The following VRK2 variants were observed in gnomAD, a reference collection of about 807,000 sequenced individuals.
VRK2 encodes the protein VRK serine/threonine kinase 2.
A neutral mutation model predicts 57.6 loss-of-function variants in VRK2; 60 were observed. The ratio of observed to expected loss-of-function variants is 1.04; its 90% CI spans 0.85 to 1.29. VRK2 has a LOEUF of 1.29. Among genes scored for constraint, VRK2 ranks in the 50% most tolerant of loss-of-function variants. VRK2 has a pLI of 0.00. For synonymous variants in VRK2, 231 were observed against 199.2 expected, an observed-to-expected ratio of 1.16 and a Z score of -1.35; for missense variants, 705 against 588.1, an observed-to-expected ratio of 1.20 and a Z score of -2.06.
intron 2 of VRK2, among the ~76,000 whole-genome samples, chr2:58,050,184 A>C (rs540304362): frequency 2.0e-5 from 3 of 152,208 alleles, no homozygotes; most frequent in African/African-American, 7.2e-5. Context: ...AATTATTTTA[A>C]TAATATTTAA....
At chr2:58,036,856 C>G (rs1300742093) in intron 3 of VRK2, among the ~76,000 whole-genome samples, 1 of 151,986 alleles carries the variant, frequency 6.6e-6, no homozygotes, top group Non-Finnish European at 1.5e-5. Context: ...ATAGGGTAGC[C>G]ACTAGGTACA....
At chr2:57,952,705 G>C (rs1671463374) in intron 1 of VRK2, among the ~76,000 whole-genome samples, 1 of 151,944 alleles carries the variant, frequency 6.6e-6, no homozygotes, top group South Asian at 2.1e-4. Flanking sequence ...TAAGGAGATG[G>C]GGAGAGCAGG....
At chr2:58,039,828 G>T (rs903202558) in intron 3 of VRK2, among the ~76,000 whole-genome samples, 1 of 151,342 alleles carries the variant, frequency 6.6e-6, no homozygotes, top group Non-Finnish European at 1.5e-5. Flanking sequence ...ATTTTTTATG[G>T]GCAATTCCCC....
At chr2:58,040,471 GGAAA>G (rs1558554490) in intron 3 of VRK2, among the ~76,000 whole-genome samples, 1 of 152,186 alleles carries the variant, frequency 6.6e-6, no homozygotes, top group Non-Finnish European at 1.5e-5. Context: ...GAGACTTAGA[GGAAA>G]ACCTAAATAC....
In VRK2 at chr2:58,110,860, A is replaced by T. The variant is rs145566008; in HGVS notation, c.544-12241A>T. ...CCGACATTGGGGAGCTCCAGAGCAA[A>T]GCTTGCCTATTAGGAGAGACCCCAG... On this transcript the variant is annotated intron_variant, in intron 7 of 12. Coordinates refer to ENST00000340157, the MANE Select transcript of VRK2 (RefSeq NM_006296.7). Among the ~76,000 whole-genome samples, 28 of 152,288 alleles carry T rather than the reference A, an allele frequency of 1.8e-4. 1 individual carries two copies. The East Asian group carries it at 5.2e-3, about 28-fold the overall frequency.
At chr2:57,978,737 A>AT (rs534620090) in intron 1 of VRK2, among the ~76,000 whole-genome samples, 23 of 144,946 alleles carry the variant, frequency 1.6e-4, no homozygotes, top group Non-Finnish European at 3.0e-4. Flanking sequence ...GGTTTGTTTC[A>AT]TAGGTATACA....
chr2:58,025,456 C>T (rs1558546457), intron 1 of VRK2, among the ~76,000 whole-genome samples: 1 of 152,034 alleles, frequency 6.6e-6, no homozygotes, highest in Non-Finnish European at 1.5e-5. Flanking sequence ...AACAGCCAGA[C>T]AAAGGAAGAG....
chr2:58,139,959 C>T, intron 11 of VRK2, 127 bp downstream of exon 11: 2 of 985,414 alleles, frequency 2.0e-6, no homozygotes, highest in East Asian at 2.6e-5. Flanking sequence ...TCCCATTTTG[C>T]CTAACTCAGC....
At chr2:57,915,282 A>G (rs1670109891) in intron 1 of VRK2, among the ~76,000 whole-genome samples, 1 of 152,140 alleles carries the variant, frequency 6.6e-6, no homozygotes, top group Non-Finnish European at 1.5e-5. Flanking sequence ...GATTCTACAT[A>G]AATCTAAAAA....
chr2:58,105,987 G>C (rs1356572156), intron 7 of VRK2, among the ~76,000 whole-genome samples: 1 of 151,882 alleles, frequency 6.6e-6, no homozygotes, highest in East Asian at 1.9e-4. Flanking sequence ...GATATACCAA[G>C]CTCTGATAAT....
intron 1 of VRK2, among the ~76,000 whole-genome samples, chr2:57,994,594 G>T (rs1672869249): frequency 6.6e-6 from 1 of 152,064 alleles, no homozygotes; most frequent in Admixed American, 6.6e-5. Flanking sequence ...AAATACTTCA[G>T]GTCTTTGCAG....
chr2:57,949,952 CT>C (rs1671375254), intron 1 of VRK2, among the ~76,000 whole-genome samples: 1 of 152,192 alleles, frequency 6.6e-6, no homozygotes, highest in Non-Finnish European at 1.5e-5. Flanking sequence ...ACAACCTTCC[CT>C]TACCAAAGCC....
chr2:58,046,646 A>G (rs1460439126), upstream of VRK2: 1 of 985,442 alleles, frequency 1.0e-6, no homozygotes, highest in South Asian at 4.7e-5. Flanking sequence ...CGGGGCGTGG[A>G]CAGGCCGCTG....
intron 9 of VRK2, among the ~76,000 whole-genome samples, chr2:58,133,366 T>C (rs1485964820): frequency 6.6e-6 from 1 of 152,218 alleles, no homozygotes; most frequent in Non-Finnish European, 1.5e-5. Flanking sequence ...TGTAAACCTA[T>C]AGACTAGTAA....
At chr2:58,033,444 G>A (rs1307735765) in exon 3 of VRK2, 1 of 152,006 alleles carries the variant, frequency 6.6e-6, no homozygotes, top group East Asian at 1.9e-4. Flanking sequence ...AAGGAATTCA[G>A]GTGGCCTCTA....
At chr2:57,961,273 A>G (rs1671749653) in intron 1 of VRK2, among the ~76,000 whole-genome samples, 1 of 152,208 alleles carries the variant, frequency 6.6e-6, no homozygotes, top group Non-Finnish European at 1.5e-5. Context: ...TCATGCAGTT[A>G]TCTGTCCAGG....
intron 2 of VRK2, among the ~76,000 whole-genome samples, chr2:58,074,600 T>G (rs1669826115): frequency 6.6e-6 from 1 of 152,158 alleles, no homozygotes. Flanking sequence ...TGTAATTCAT[T>G]TCACTTATTC....
chr2:58,114,191 G>A (rs1676057371), intron 7 of VRK2, among the ~76,000 whole-genome samples: 1 of 152,200 alleles, frequency 6.6e-6, no homozygotes, highest in Non-Finnish European at 1.5e-5. Flanking sequence ...AGAATTGGGA[G>A]AGCTAGGACA....
chr2:58,030,094 ACCTCTC>A (rs1674067254), intron 2 of VRK2, among the ~76,000 whole-genome samples: 1 of 151,982 alleles, frequency 6.6e-6, no homozygotes, highest in Non-Finnish European at 1.5e-5. Flanking sequence ...TGGCTATAAG[ACCTCTC>A]CCATTATAAA....
Sources: allele counts gnomAD v4.1 joint callset (sites outside exome capture counted in the v4.1 genomes callset), GRCh38; gene constraint gnomAD v4.1.1; transcripts MANE v1.5; gene names NCBI Gene and HGNC (gene_info 2026-07-23, HGNC 2026-07-21).